OR10G3: variants seen among roughly 807,000 people sequenced by gnomAD.
OR10G3 encodes olfactory receptor 10G3.
A neutral mutation model predicts 13.4 loss-of-function variants in OR10G3; 8 were observed. The ratio of observed to expected loss-of-function variants is 0.60; its 90% CI spans 0.35 to 1.08. OR10G3 has a LOEUF of 1.08. Among genes scored for constraint, OR10G3 ranks in the 50% least tolerant of loss-of-function variants. The probability of loss-of-function intolerance (pLI) is 0.02; values close to 1 mark genes in which losing one functional copy is unlikely to be tolerated. For synonymous variants in OR10G3, 142 were observed against 156.1 expected, an observed-to-expected ratio of 0.91 and a Z score of 0.67; for missense variants, 393 against 386.6, an observed-to-expected ratio of 1.02 and a Z score of -0.14.
chr14:21,570,803 G>T, intron 1 of OR10G3, 42 bp from the exon 2 acceptor site: 1 of 1,125,032 alleles, frequency 8.9e-7, no homozygotes, highest in Non-Finnish European at 1.3e-6. Flanking sequence ...GAGGTGAGAG[G>T]AAAGTGAGGG....
intron 1 of OR10G3, among the ~76,000 whole-genome samples, chr14:21,571,824 C>G (rs1893072616): frequency 6.6e-6 from 1 of 151,990 alleles, no homozygotes; most frequent in Non-Finnish European, 1.5e-5. Flanking sequence ...CAGGCATATG[C>G]TACCATGCCT....
intron 1 of OR10G3, among the ~76,000 whole-genome samples, chr14:21,572,058 G>A (rs980999640): frequency 5.9e-4 from 90 of 151,380 alleles, no homozygotes; most frequent in African/African-American, 1.9e-3. Context: ...TTGAGAGGCC[G>A]AGGAGGGTGG....
In OR10G3 at chr14:21,569,911, C is replaced by T. The variant is rs753769969; in HGVS notation, c.834G>A (p.Thr278=). The change falls in exon 2 of 2, where the codon ACG becomes ACA. Residue 278 remains threonine (T), a synonymous_variant. Transcript: ENST00000641040. ...GGGGGTTGAGGAAAGGAGTGATGGC[C>T]GTGGGGACTAGGGCAGCTGCCCCAT... ...PLDGAAALVP[T]AITPFLNPLI... is the part of the protein sequence containing the mutation. The T allele has an allele frequency of 1.4e-5, 23 of 1,612,920 alleles. No homozygotes were observed. The highest frequency in any genetic ancestry group is 2.2e-5 in the East Asian group (1 of 44,856).
chr14:21,570,369 C>T lies in OR10G3; in HGVS notation c.376G>A (p.Ala126Thr), dbSNP rs1893053197. Residue 126 changes from alanine to threonine, a missense_variant, in exon 2 of 2, where the codon GCA (alanine) becomes ACA (threonine). Ala to Thr is a moderately conservative substitution (Grantham distance 58). Coordinates refer to ENST00000641040, the MANE Select transcript of OR10G3 (RefSeq NM_001005465.2). Reference protein sequence around the residue: ...YTLMAYDRYLAICQPLRYPVL... With the variant: ...YTLMAYDRYLTICQPLRYPVL... Reference sequence around the variant, plus strand: ...GGGTAGCGCAGGGGCTGACATATTGCCAGGTACCTGTCATAGGCCATTAGG... The same window carrying T: ...GGGTAGCGCAGGGGCTGACATATTGTCAGGTACCTGTCATAGGCCATTAGG... The T allele has an allele frequency of 1.2e-6, 2 of 1,614,152 alleles. No homozygotes were observed. Among genetic ancestry groups the T allele is most frequent in the Non-Finnish European group, 1.7e-6 (2 of 1,180,010 alleles).
At chr14:21,578,606 T>C (rs142873086) in intron 1 of OR10G3, among the ~76,000 whole-genome samples, 8 of 152,202 alleles carry the variant, frequency 5.3e-5, no homozygotes, top group Admixed American at 4.6e-4. Flanking sequence ...AGCAAATGAA[T>C]TTTACTTAAT....
intron 1 of OR10G3, among the ~76,000 whole-genome samples, chr14:21,574,108 C>T (rs535233218): frequency 6.6e-6 from 1 of 151,714 alleles, no homozygotes; most frequent in African/African-American, 2.4e-5. Flanking sequence ...TGGAGACCAT[C>T]CTGGCTAACA....
intron 1 of OR10G3, among the ~76,000 whole-genome samples, chr14:21,574,302 CAAAAAAAA>C (rs587769086): frequency 1.0e-5 from 1 of 96,752 alleles, no homozygotes; most frequent in Non-Finnish European, 2.0e-5. Context: ...GACTCCATCT[CAAAAAAAA>C]AAAAAAAAAA....
Position 21,570,643 on chromosome 14 carries a change from G to T in OR10G3, c.102C>A (p.Ile34=). 5.6e-6 allele frequency: 9 copies of T among 1,613,270 alleles called. No individual in the cohort carries two copies. The highest frequency in any genetic ancestry group is 7.6e-6 in the Non-Finnish European group (9 of 1,179,988). The change falls in exon 2 of 2, where the codon ATC becomes ATA. Residue 34 remains isoleucine (I), a synonymous_variant. Coordinates refer to ENST00000641040, the MANE Select transcript of OR10G3 (RefSeq NM_001005465.2). The part of the protein sequence containing the change: ...RTLFFVFFFL[I]YILTQLGNLL... Reference sequence around the variant, plus strand: ...GGTTTCCCAGCTGAGTCAGGATGTAGATTAGAAAAAAGAACACAAAAAAGA... The same window carrying T: ...GGTTTCCCAGCTGAGTCAGGATGTATATTAGAAAAAAGAACACAAAAAAGA...
rs755962614 is a variant in OR10G3, at chr14:21,569,803, T to G, written c.942A>C (p.Ter314CysextTer19). 5.0e-6 allele frequency: 8 copies of G among 1,612,760 alleles called. No individual in the cohort carries two copies. Among genetic ancestry groups the G allele is most frequent in the Non-Finnish European group, 5.9e-6 (7 of 1,179,166 alleles). The stretch of plus-strand genomic sequence containing the variant: ...CTTCCCTAGTGGGAGAAAGACACTT[T>G]CAAACCTCACTCGGAGTTCTTGGGC... ...LRSPRTPSEV[*>C] The change falls in exon 2 of 2, where the codon TGA becomes TGC. Residue 314 changes from the stop codon to cysteine, a stop_lost. Transcript: ENST00000641040.
chr14:21,571,073 C>A (rs538480658), intron 1 of OR10G3, among the ~76,000 whole-genome samples: 1 of 152,144 alleles, frequency 6.6e-6, no homozygotes, highest in East Asian at 1.9e-4. Context: ...AAGTTTGCAC[C>A]GAGGGTTTTG....
intron 1 of OR10G3, among the ~76,000 whole-genome samples, chr14:21,573,568 A>C (rs898771380): frequency 2.2e-5 from 3 of 135,060 alleles, no homozygotes; most frequent in African/African-American, 8.0e-5. Context: ...GCTACTCAGG[A>C]GGTCGAGGCG....
At chr14:21,573,889 TCA>T (rs981509575) in intron 1 of OR10G3, among the ~76,000 whole-genome samples, 40 of 152,170 alleles carry the variant, frequency 2.6e-4, no homozygotes, top group African/African-American at 8.9e-4. Context: ...TATCAAAACA[TCA>T]CATTTTTAAT....
chr14:21,572,608 C>CAAAAAA (rs397852312), intron 1 of OR10G3, among the ~76,000 whole-genome samples: 743 of 110,376 alleles, frequency 6.7e-3, no homozygotes, highest in Non-Finnish European at 7.5e-3. Flanking sequence ...AACAAACAAA[C>CAAAAAA]AAAAAAAAAA....
At position 21,569,744 on chromosome 14, in the gene OR10G3, G is replaced by C; in HGVS notation, c.*59C>G. ...AGAAGAAAAGAAAAAAGTTACCGAA[G>C]CCTAAACATTATAATAAATTCTAAT... is the stretch of plus-strand genomic sequence containing the variant. On this transcript the variant is annotated 3_prime_UTR_variant, in exon 2 of 2. Transcript: ENST00000641040. 7.1e-7 allele frequency: 1 copy of C among 1,414,618 alleles called. No individual in the cohort carries two copies. Among genetic ancestry groups the C allele is most frequent in the Non-Finnish European group, 9.7e-7 (1 of 1,029,118 alleles). 87.6% of individuals were successfully genotyped at this position (1,414,618 alleles called of 1,614,324 possible).
At position 21,570,308 on chromosome 14, in the gene OR10G3, A is replaced by G; in HGVS notation, c.437T>C (p.Val146Ala). Residue 146 changes from valine to alanine, a missense_variant, in exon 2 of 2, where the codon GTG becomes GCG. Val to Ala is a moderately conservative substitution (Grantham distance 64). Coordinates refer to ENST00000641040, the MANE Select transcript of OR10G3 (RefSeq NM_001005465.2). ...LMTAKLSALLVAGAWMAGSIH... is the reference protein window; with the variant it reads ...LMTAKLSALLAAGAWMAGSIH... ...GGATCCTGCCATCCAGGCTCCAGCC[A>G]CAAGCAAGGCGCTCAGCTTAGCAGT... The G allele has an allele frequency of 6.2e-7, 1 of 1,614,226 alleles. No individual in the cohort carries two copies. The highest frequency in any genetic ancestry group is 8.5e-7 in the Non-Finnish European group (1 of 1,180,040).
At chr14:21,572,509 A>G (rs1893082104) in intron 1 of OR10G3, among the ~76,000 whole-genome samples, 1 of 149,034 alleles carries the variant, frequency 6.7e-6, no homozygotes, top group Non-Finnish European at 1.5e-5. Context: ...AGGCAGGAGA[A>G]TTGCTTGAAC....
intron 1 of OR10G3, among the ~76,000 whole-genome samples, chr14:21,578,525 T>C (rs1490514281): frequency 6.6e-6 from 1 of 152,120 alleles, no homozygotes; most frequent in Non-Finnish European, 1.5e-5. Context: ...TAAAAGTGTA[T>C]AATTTTGAGC....
At chr14:21,575,013 G>A (rs768135452) in intron 1 of OR10G3, 44 of 152,174 alleles carry the variant, frequency 2.9e-4, no homozygotes, top group Admixed American at 2.0e-3. Context: ...ATGAGGATGC[G>A]GAATGAGACT....
chr14:21,571,422 G>A (rs1029428032), intron 1 of OR10G3, among the ~76,000 whole-genome samples: 19 of 152,244 alleles, frequency 1.2e-4, no homozygotes, highest in Admixed American at 5.2e-4. Flanking sequence ...TAAATAAAGT[G>A]AGGACTATCG....
Sources: gnomAD v4.1 joint callset for allele counts (sites outside exome capture counted in the v4.1 genomes callset) on GRCh38, gnomAD v4.1.1 for gene constraint, MANE v1.5 for transcripts, NCBI Gene and HGNC (gene_info 2026-07-23, HGNC 2026-07-21) for gene names.